EFCAB12: variants seen among roughly 807,000 people sequenced by gnomAD.
The protein encoded by EFCAB12 is EF-hand calcium-binding domain-containing protein 12.
Under a neutral mutation model 53.6 loss-of-function variants are expected in EFCAB12, and 43 were observed. The observed-to-expected ratio is 0.80, with a 90% confidence interval of 0.63 to 1.03. The LOEUF is 1.03. Ranked by LOEUF, EFCAB12 falls within the 50% of genes least tolerant of loss-of-function variation. EFCAB12 has a pLI of 0.00. For missense variants in EFCAB12, 646 were observed against 730.6 expected, an observed-to-expected ratio of 0.88 and a Z score of 1.34; for synonymous variants, 269 against 289.2, an observed-to-expected ratio of 0.93 and a Z score of 0.71.
intron 3 of EFCAB12, 107 bp from the exon 4 acceptor site, chr3:129,415,508 C>T (rs993492411): frequency 2.9e-6 from 4 of 1,391,036 alleles, no homozygotes; most frequent in Non-Finnish European, 3.9e-6. Flanking sequence ...CTTCCAGTTT[C>T]ATCCTCAACC....
At chr3:129,416,832 G>A (rs924064331) in intron 3 of EFCAB12, among the ~76,000 whole-genome samples, 1 of 152,064 alleles carries the variant, frequency 6.6e-6, no homozygotes, top group African/African-American at 2.4e-5. Flanking sequence ...TTAATTTTTT[G>A]TAGAGATGGG....
chr3:129,408,992 C>T, intron 5 of EFCAB12, 134 bp from the exon 6 acceptor site: 1 of 930,270 alleles, frequency 1.1e-6, no homozygotes, highest in Non-Finnish European at 1.6e-6. Context: ...AACCAACGTC[C>T]AGTGGGGCTG....
chr3:129,415,425 ACTAGC>A (rs1244439657), intron 3 of EFCAB12, 24 bp from the exon 4 acceptor site: 1 of 1,612,542 alleles, frequency 6.2e-7, no homozygotes, highest in African/African-American at 1.3e-5. Flanking sequence ...AGACCTTCAG[ACTAGC>A]AGGCTCCCAT....
At chr3:129,422,802 C>T (rs2072206019) in intron 1 of EFCAB12, among the ~76,000 whole-genome samples, 1 of 152,152 alleles carries the variant, frequency 6.6e-6, no homozygotes, top group East Asian at 1.9e-4. Context: ...TTGCCACAGG[C>T]TCCCCCATTC....
chr3:129,408,471 C>G (rs2107736702), intron 6 of EFCAB12, among the ~76,000 whole-genome samples, 174 bp downstream of exon 6: 1 of 152,260 alleles, frequency 6.6e-6, no homozygotes. Flanking sequence ...AGCAGCAAAA[C>G]AGACTGGGCT....
At chr3:129,414,440 G>T (rs185365021) in intron 4 of EFCAB12, 25 of 152,330 alleles carry the variant, frequency 1.6e-4, no homozygotes, top group African/African-American at 5.8e-4. Context: ...AAACATGCAT[G>T]AGATTAAGTT....
intron 6 of EFCAB12, among the ~76,000 whole-genome samples, chr3:129,405,314 G>A (rs992719324): frequency 2.6e-5 from 4 of 152,166 alleles, no homozygotes; most frequent in Non-Finnish European, 4.4e-5. Context: ...TGGAAGTTAC[G>A]CTCCAGCGAG....
intron 2 of EFCAB12, among the ~76,000 whole-genome samples, chr3:129,420,963 G>A (rs760160141): frequency 4.6e-5 from 7 of 152,252 alleles, no homozygotes; most frequent in Admixed American, 6.5e-5. Context: ...AGAGGTCCAT[G>A]TGGGGAGGAA....
rs535177700 is a variant in EFCAB12, at chr3:129,421,285, T to C, written c.486+82A>G. ...TCTGTGAAATGGTGTGAACTATCCC[T>C]ATCCAGCCTAACCCAAGGGAATAAA... On this transcript the variant is annotated intron_variant, in intron 2 of 8. Coordinates refer to ENST00000505956, the MANE Select transcript of EFCAB12 (RefSeq NM_207307.3). 4.1e-5 allele frequency: 59 copies of C among 1,422,142 alleles called. No homozygotes were observed. In the African/African-American group the frequency reaches 8.2e-4, roughly 20 times the overall value. The allele number at this position is 1,422,142 out of a possible 1,614,324, so 88.1% of individuals were successfully genotyped here.
rs533576967 is a variant in EFCAB12 at position 129,421,381 on chromosome 3, T to C, written c.472A>G (p.Thr158Ala). The C allele has an allele frequency of 3.1e-5, 50 of 1,606,758 alleles. No homozygotes were observed. The highest frequency in any genetic ancestry group is 4.3e-5 in the Non-Finnish European group (50 of 1,174,256). Reference protein sequence around the residue: ...SAQPNASQATTRTTRKKAPRL... With the variant: ...SAQPNASQATARTTRKKAPRL... ...GGGCTGCTCACCCTGGTGGTCCTGGTAGTTGCCTGGGAGGCATTTGGCTGG... is the reference window on the plus strand; with the variant it reads ...GGGCTGCTCACCCTGGTGGTCCTGGCAGTTGCCTGGGAGGCATTTGGCTGG... Residue 158 changes from threonine (T) to alanine (A), a missense_variant, in exon 2 of 9, where the codon ACC (threonine) becomes GCC (alanine). Physicochemically the swap from Thr to Ala is moderately conservative, Grantham distance 58 (BLOSUM62 0). Coordinates refer to ENST00000505956, the MANE Select transcript of EFCAB12 (RefSeq NM_207307.3).
chr3:129,401,973 AC>A, intron 8 of EFCAB12, 122 bp from the exon 9 acceptor site: 2 of 1,329,602 alleles, frequency 1.5e-6, no homozygotes, highest in Non-Finnish European at 2.0e-6. Context: ...GCACTTCAGC[AC>A]CTCAGTCCTC....
chr3:129,415,137 TG>T, intron 4 of EFCAB12, 107 bp downstream of exon 4: 2 of 1,367,470 alleles, frequency 1.5e-6, no homozygotes, highest in South Asian at 1.7e-5. Context: ...CGGCCAAAAC[TG>T]GGGAACACAC....
At chr3:129,420,578 C>T (rs2072175956) in intron 2 of EFCAB12, among the ~76,000 whole-genome samples, 1 of 152,170 alleles carries the variant, frequency 6.6e-6, no homozygotes, top group Non-Finnish European at 1.5e-5. Flanking sequence ...GTCATCCTCA[C>T]AATAGCTTGC....
At position 129,401,436 on chromosome 3, in the gene EFCAB12, A is replaced by G. The variant is rs1212317625; in HGVS notation, c.*157T>C. ...ACATCTACCCTCTGAGACACTGGAC[A>G]CTTTGAGTCCAGAGGGAACTGGCCC... is the stretch of plus-strand genomic sequence containing the variant. On this transcript the variant is annotated 3_prime_UTR_variant, in exon 9 of 9. Transcript: ENST00000505956. 9.7e-6 allele frequency: 10 copies of G among 1,027,118 alleles called. No homozygotes were observed. Among genetic ancestry groups the G allele is most frequent in the Admixed American group, 3.0e-5 (1 of 33,306 alleles). The allele number at this position is 1,027,118 out of a possible 1,614,324, so 63.6% of individuals were successfully genotyped here.
At chr3:129,409,746 T>C (rs1387149133) in intron 5 of EFCAB12, among the ~76,000 whole-genome samples, 1 of 152,306 alleles carries the variant, frequency 6.6e-6, no homozygotes, top group Non-Finnish European at 1.5e-5. Context: ...TGTGGCTGCT[T>C]TCCTGCTGCA....
intron 6 of EFCAB12, among the ~76,000 whole-genome samples, chr3:129,404,749 G>A (rs1489700398): frequency 2.0e-5 from 3 of 152,054 alleles, no homozygotes; most frequent in East Asian, 1.9e-4. Flanking sequence ...CCGGTGCAAC[G>A]AGGTCTGAGC....
intron 6 of EFCAB12, among the ~76,000 whole-genome samples, chr3:129,404,874 C>T (rs1001125354): frequency 6.6e-6 from 1 of 152,196 alleles, no homozygotes; most frequent in African/African-American, 2.4e-5. Flanking sequence ...GGCTAAAGTA[C>T]AGATCATGGC....
chr3:129,408,500 G>T (rs1242131172), intron 6 of EFCAB12, 145 bp downstream of exon 6: 2 of 833,868 alleles, frequency 2.4e-6, no homozygotes, highest in Non-Finnish European at 1.9e-6. Flanking sequence ...TCTCCTCCAC[G>T]CCCCCACTCC....
Position 129,417,334 on chromosome 3 carries a change from A to AC in EFCAB12, c.681+919_681+920insG, listed in dbSNP as rs2072128837. On this transcript the variant is annotated intron_variant, in intron 3 of 8. Transcript: ENST00000505956. ...GTGAGACTCTGCCTCAAAAAAAAAA[A>AC]AAAAACCAAAAAAAAAAAACCCAAA... Among the ~76,000 whole-genome samples, 26 of 135,688 alleles carry AC rather than the reference A, an allele frequency of 1.9e-4. No individual in the cohort carries two copies. In the South Asian group the frequency reaches 5.1e-3, roughly 27 times the overall value. The allele number at this position is 135,688 out of a possible 152,430, so 89.0% of individuals were successfully genotyped here. A position where few individuals can be genotyped will look rare whatever the true frequency, so the allele number is the denominator to read the frequency against.
Sources: gnomAD v4.1 joint callset for allele counts (sites outside exome capture counted in the v4.1 genomes callset) on GRCh38, gnomAD v4.1.1 for gene constraint, MANE v1.5 for transcripts, NCBI Gene and HGNC (gene_info 2026-07-23, HGNC 2026-07-21) for gene names.